Variants in KCNB2 observed in about 807,000 individuals in gnomAD.
KCNB2 encodes potassium voltage-gated channel subfamily B member 2.
A neutral mutation model predicts 61.5 loss-of-function variants in KCNB2; 15 were observed. The ratio of observed to expected loss-of-function variants is 0.24; its 90% confidence interval spans 0.16 to 0.38. The LOEUF (loss-of-function observed/expected upper bound fraction) is 0.38, where lower values mean the gene tolerates loss of function less well. KCNB2 is among the 10% of genes least tolerant of loss of function. The pLI is 1.00. For missense variants in KCNB2, 828 were observed against 1,125.2 expected (o/e 0.74, Z 3.78); for synonymous variants, 457 against 446.0 (o/e 1.02, Z -0.31).
At chr8:72,690,354 T>C (rs1204983763) in intron 2 of KCNB2, among the ~76,000 whole-genome samples, 1 of 152,210 alleles carries the variant, frequency 6.6e-6, no homozygotes, top group East Asian at 1.9e-4. Context: ...AAGAAGCAAA[T>C]TGCTGTCATT....
chr8:72,719,564 A>C (rs980763191), intron 2 of KCNB2, among the ~76,000 whole-genome samples: 1 of 152,032 alleles, frequency 6.6e-6, no homozygotes, highest in Admixed American at 6.6e-5. Context: ...ATTAAAAAAA[A>C]CTCTAGATTA....
At chr8:72,902,696 A>G (rs758797936) in intron 2 of KCNB2, among the ~76,000 whole-genome samples, 47 of 152,180 alleles carry the variant, frequency 3.1e-4, no homozygotes, top group Non-Finnish European at 6.2e-4. Context: ...TTGCTGTAGG[A>G]GGGACTTATT....
At chr8:72,646,798 G>A (rs945468542) in intron 2 of KCNB2, among the ~76,000 whole-genome samples, 9 of 152,136 alleles carry the variant, frequency 5.9e-5, no homozygotes, top group Non-Finnish European at 1.3e-4. Flanking sequence ...AAAAGTTCTG[G>A]AGTTAGTAGT....
chr8:72,600,845 G>A (rs1216848639), intron 2 of KCNB2, among the ~76,000 whole-genome samples: 1 of 152,118 alleles, frequency 6.6e-6, no homozygotes, highest in Non-Finnish European at 1.5e-5. Context: ...CAGTAGGGTG[G>A]AGGGTGGGAG....
intron 2 of KCNB2, among the ~76,000 whole-genome samples, chr8:72,884,308 T>C (rs2129005345): frequency 6.6e-6 from 1 of 152,260 alleles, no homozygotes; most frequent in Admixed American, 6.5e-5. Flanking sequence ...TTTTTAATTC[T>C]AGTAACAATC....
At chr8:72,707,397 T>C (rs879885042) in intron 2 of KCNB2, among the ~76,000 whole-genome samples, 5 of 152,168 alleles carry the variant, frequency 3.3e-5, no homozygotes, top group Non-Finnish European at 7.4e-5. Flanking sequence ...ATATTTCGCT[T>C]CTCCTTTAAC....
intron 2 of KCNB2, among the ~76,000 whole-genome samples, chr8:72,802,716 T>C (rs1296148431): frequency 6.6e-6 from 1 of 152,182 alleles, no homozygotes; most frequent in Non-Finnish European, 1.5e-5. Flanking sequence ...AGCCACCTTA[T>C]TGCTGCCACT....
At chr8:72,782,095 A>G (rs1356601297) in intron 2 of KCNB2, among the ~76,000 whole-genome samples, 1 of 152,166 alleles carries the variant, frequency 6.6e-6, no homozygotes, top group East Asian at 1.9e-4. Flanking sequence ...CATCCTGCAC[A>G]TGTATCCTGG....
chr8:72,561,441 TA>T (rs1183963984), intron 1 of KCNB2, among the ~76,000 whole-genome samples: 4 of 151,228 alleles, frequency 2.6e-5, no homozygotes, highest in Non-Finnish European at 5.9e-5. Flanking sequence ...TTTTTTAAAC[TA>T]AGGAGTATAT....
chr8:72,760,485 C>G (rs576905679), intron 2 of KCNB2, among the ~76,000 whole-genome samples: 1 of 152,244 alleles, frequency 6.6e-6, no homozygotes, highest in South Asian at 2.1e-4. Flanking sequence ...ACCATCATTC[C>G]CAAATTTGCT....
At chr8:72,697,768 A>G (rs1207220217) in intron 2 of KCNB2, among the ~76,000 whole-genome samples, 2 of 152,210 alleles carry the variant, frequency 1.3e-5, no homozygotes, top group Non-Finnish European at 2.9e-5. Context: ...CATTAAAAAA[A>G]TGATTTTTTT....
At chr8:72,667,674 C>T (rs955067745) in intron 2 of KCNB2, among the ~76,000 whole-genome samples, 1 of 152,092 alleles carries the variant, frequency 6.6e-6, no homozygotes, top group South Asian at 2.1e-4. Context: ...CCTCCCTCAC[C>T]CCAGCCCCAT....
intron 1 of KCNB2, among the ~76,000 whole-genome samples, chr8:72,539,299 A>G (rs1193320326): frequency 6.6e-6 from 1 of 152,194 alleles, no homozygotes; most frequent in East Asian, 1.9e-4. Flanking sequence ...GTGTGATTGC[A>G]TGGACTCTGA....
chr8:72,556,760 C>T (rs1806435236), intron 1 of KCNB2, among the ~76,000 whole-genome samples: 2 of 152,030 alleles, frequency 1.3e-5, no homozygotes, highest in Non-Finnish European at 2.9e-5. Context: ...GATGCTATGC[C>T]GAGTGTCCCA....
intron 2 of KCNB2, among the ~76,000 whole-genome samples, chr8:72,912,633 A>C (rs926412216): frequency 1.3e-5 from 2 of 151,908 alleles, no homozygotes; most frequent in Non-Finnish European, 2.9e-5. Flanking sequence ...CCTCTACAAC[A>C]ACTTTATCAT....
At chr8:72,924,179 G>C (rs778475936) in intron 2 of KCNB2, among the ~76,000 whole-genome samples, 1 of 152,118 alleles carries the variant, frequency 6.6e-6, no homozygotes, top group Admixed American at 6.5e-5. Flanking sequence ...TGGGAGAGGA[G>C]GTCAGGGTGG....
At chr8:72,689,791 C>T (rs1165016812) in intron 2 of KCNB2, among the ~76,000 whole-genome samples, 1 of 152,100 alleles carries the variant, frequency 6.6e-6, no homozygotes, top group African/African-American at 2.4e-5. Context: ...TATCCATTCA[C>T]CAGTTAGTGG....
intron 2 of KCNB2, among the ~76,000 whole-genome samples, chr8:72,633,989 T>A (rs1805927496): frequency 3.1e-5 from 2 of 65,304 alleles, no homozygotes; most frequent in Admixed American, 4.9e-4. Context: ...TGGAACACCT[T>A]GCCACTCTGA....
At chr8:72,738,931 C>G (rs947432932) in intron 2 of KCNB2, among the ~76,000 whole-genome samples, 3 of 152,132 alleles carry the variant, frequency 2.0e-5, no homozygotes, top group Admixed American at 6.5e-5. Flanking sequence ...TTCATTTTGA[C>G]ATCAAGTTTA....
Sources: gnomAD v4.1 joint callset for allele counts (sites outside exome capture counted in the v4.1 genomes callset) on GRCh38, gnomAD v4.1.1 for gene constraint, MANE v1.5 for transcripts, NCBI Gene and HGNC (gene_info 2026-07-23, HGNC 2026-07-21) for gene names.